The following MEIKIN variants were observed in gnomAD, a reference collection of about 807,000 sequenced individuals.
The protein encoded by MEIKIN is meiotic kinetochore factor.
intron 8 of MEIKIN, among the ~76,000 whole-genome samples, chr5:131,892,899 G>T (rs1366768204): frequency 1.3e-5 from 2 of 152,082 alleles, no homozygotes; most frequent in African/African-American, 2.4e-5. Context: ...TTTTGGTGCG[G>T]ATGTCCTTAC....
chr5:131,809,471 C>T (rs746106472), intron 12 of MEIKIN, among the ~76,000 whole-genome samples: 9 of 152,166 alleles, frequency 5.9e-5, no homozygotes, highest in Admixed American at 3.9e-4. Context: ...CCATCAATGA[C>T]GCTAACCAGT....
chr5:131,811,778 T>G (rs1772961638), intron 12 of MEIKIN, among the ~76,000 whole-genome samples: 1 of 152,190 alleles, frequency 6.6e-6, no homozygotes, highest in South Asian at 2.1e-4. Flanking sequence ...AGCTAATTTT[T>G]TGTAGTTTTA....
intron 3 of MEIKIN, chr5:131,944,377 G>A (rs1751925076): frequency 4.0e-6 from 1 of 247,742 alleles, no homozygotes; most frequent in African/African-American, 2.2e-5. Flanking sequence ...GAAAAAAGGA[G>A]TTATTAAGTA....
intron 9 of MEIKIN, among the ~76,000 whole-genome samples, chr5:131,865,575 G>A (rs1235153828): frequency 6.6e-6 from 1 of 152,192 alleles, no homozygotes; most frequent in African/African-American, 2.4e-5. Flanking sequence ...ACCTTTGCAG[G>A]TGTCATATTT....
intron 8 of MEIKIN, among the ~76,000 whole-genome samples, chr5:131,908,112 CCAGA>C (rs1445274319): frequency 2.6e-5 from 4 of 152,032 alleles, no homozygotes; most frequent in East Asian, 1.9e-4. Flanking sequence ...GATACAAAAA[CCAGA>C]CAAAGACATA....
chr5:131,852,743 C>A (rs79085422), intron 10 of MEIKIN, among the ~76,000 whole-genome samples: 4,433 of 152,124 alleles, frequency 0.029, 89 homozygotes, highest in Non-Finnish European at 0.046. Flanking sequence ...GATAGTTGCA[C>A]AGTTTTTAAG....
At chr5:131,906,916 A>G (rs910630784) in intron 8 of MEIKIN, among the ~76,000 whole-genome samples, 11 of 152,214 alleles carry the variant, frequency 7.2e-5, no homozygotes, top group Non-Finnish European at 1.3e-4. Flanking sequence ...TACTATGCTT[A>G]TTACATAGAT....
At chr5:131,902,561 C>T (rs907448739) in intron 8 of MEIKIN, among the ~76,000 whole-genome samples, 1 of 152,142 alleles carries the variant, frequency 6.6e-6, no homozygotes, top group Non-Finnish European at 1.5e-5. Flanking sequence ...GCTTCCTGTA[C>T]AGCCTGCAGA....
intron 9 of MEIKIN, among the ~76,000 whole-genome samples, chr5:131,861,597 A>AT (rs2149619642): frequency 6.6e-6 from 1 of 152,090 alleles, no homozygotes; most frequent in East Asian, 1.9e-4. Flanking sequence ...TTTGTCATAT[A>AT]TTGCCTTTAT....
intron 11 of MEIKIN, among the ~76,000 whole-genome samples, chr5:131,833,358 A>G (rs1749746054): frequency 6.6e-6 from 1 of 152,178 alleles, no homozygotes; most frequent in South Asian, 2.1e-4. Context: ...AGACCACCTC[A>G]GCCTGGACCT....
intron 8 of MEIKIN, among the ~76,000 whole-genome samples, chr5:131,887,429 A>T (rs967760415): frequency 6.6e-6 from 1 of 152,142 alleles, no homozygotes; most frequent in South Asian, 2.1e-4. Context: ...GTCTTCCACA[A>T]TGGTTGAACT....
intron 8 of MEIKIN, among the ~76,000 whole-genome samples, chr5:131,893,381 C>T (rs997191707): frequency 2.0e-5 from 3 of 152,220 alleles, no homozygotes; most frequent in African/African-American, 7.2e-5. Flanking sequence ...GGCGTAGGAC[C>T]CTCTGAGCCA....
intron 9 of MEIKIN, among the ~76,000 whole-genome samples, chr5:131,865,514 C>T (rs769170477): frequency 7.2e-5 from 11 of 152,198 alleles, no homozygotes; most frequent in South Asian, 2.1e-4. Flanking sequence ...CCACTGCACC[C>T]GGCCATGAAT....
intron 9 of MEIKIN, among the ~76,000 whole-genome samples, chr5:131,858,881 T>A (rs1159964655): frequency 6.6e-6 from 1 of 152,092 alleles, no homozygotes. Flanking sequence ...TGAAATACCA[T>A]CTCACACCAG....
At chr5:131,915,066 A>G (rs1469949836) in intron 7 of MEIKIN, among the ~76,000 whole-genome samples, 1 of 152,150 alleles carries the variant, frequency 6.6e-6, no homozygotes, top group Non-Finnish European at 1.5e-5. Flanking sequence ...GGCATTGAGA[A>G]CAAGTTCTCA....
At chr5:131,822,213 G>A (rs961653830) in intron 11 of MEIKIN, among the ~76,000 whole-genome samples, 1 of 151,716 alleles carries the variant, frequency 6.6e-6, no homozygotes, top group Non-Finnish European at 1.5e-5. Flanking sequence ...CAGATCATTG[G>A]GTCTTGTTTT....
chr5:131,909,549 A>G (rs893192467), intron 8 of MEIKIN, among the ~76,000 whole-genome samples: 3 of 152,168 alleles, frequency 2.0e-5, no homozygotes, highest in Non-Finnish European at 2.9e-5. Flanking sequence ...AGGCAACCAA[A>G]GCAAAATTAC....
chr5:131,917,002 C>T (rs1010096987), intron 6 of MEIKIN, 77 bp from the exon 7 acceptor site: 1 of 390,352 alleles, frequency 2.6e-6, no homozygotes, highest in Non-Finnish European at 4.5e-6. Flanking sequence ...ATATTTTCCC[C>T]CAAGTGCAGT....
At chr5:131,900,077 T>C (rs1054736176) in intron 8 of MEIKIN, among the ~76,000 whole-genome samples, 4 of 152,240 alleles carry the variant, frequency 2.6e-5, no homozygotes, top group Non-Finnish European at 4.4e-5. Flanking sequence ...CAAGGTCATA[T>C]GTTAGGTCAC....
Sources: allele counts gnomAD v4.1 joint callset (sites outside exome capture counted in the v4.1 genomes callset), GRCh38; gene constraint gnomAD v4.1.1; transcripts MANE v1.5; gene names NCBI Gene and HGNC (gene_info 2026-07-23, HGNC 2026-07-21).